Variants in MYO15A observed in about 807,000 individuals in gnomAD.
MYO15A encodes unconventional myosin-XV.
Under a neutral mutation model 394.6 loss-of-function variants are expected in MYO15A, and 308 were observed. The observed-to-expected ratio is 0.78, with a 90% CI of 0.71 to 0.86. The LOEUF is 0.86. Ranked by LOEUF, MYO15A falls within the 40% of genes least tolerant of loss-of-function variation. The pLI, the probability that MYO15A is intolerant of heterozygous loss-of-function variation, is 0.00. For missense variants in MYO15A, 4,606 were observed against 4,799.1 expected, an observed-to-expected ratio of 0.96 and a Z score of 1.19; for synonymous variants, 1,957 against 2,003.8, an observed-to-expected ratio of 0.98 and a Z score of 0.62.
chr17:18,172,482 C>CTATGGGTGGGGCTCAACT, intron 64 of MYO15A, 192 bp downstream of exon 64: 2 of 862,604 alleles, frequency 2.3e-6, no homozygotes, highest in Non-Finnish European at 3.8e-6. Flanking sequence ...GAGTTGAGCC[C>CTATGGGTGGGGCTCAACT]CACCCATAGG....
chr17:18,145,875 C>T lies in MYO15A; in HGVS notation c.6277C>T (p.Leu2093=). 6.2e-7 allele frequency: 1 copy of T among 1,613,124 alleles called. No individual in the cohort carries two copies. The highest frequency in any genetic ancestry group is 8.5e-7 in the Non-Finnish European group (1 of 1,179,954). The change falls in exon 30 of 66, where the codon CTG becomes TTG. Residue 2093 remains leucine, a synonymous_variant. Coordinates refer to ENST00000647165, the MANE Select transcript of MYO15A (RefSeq NM_016239.4). The part of the protein sequence containing the change: ...AEAVSIFKLI[L]RFMGDPHLHG... The stretch of plus-strand genomic sequence containing the variant: ...GGAGACTCTGTTCGTGGCCCAGATC[C>T]TGCGCTTCATGGGCGACCCCCACCT...
Position 18,145,878 on chromosome 17 carries a change from C to A in MYO15A, c.6280C>A (p.Arg2094Ser), listed in dbSNP as rs749332616. The A allele has an allele frequency of 4.3e-6, 7 of 1,613,042 alleles. No homozygotes were observed. The African/African-American group carries it at 5.3e-5, about 12-fold the overall frequency. Residue 2094 changes from arginine to serine, a missense_variant, in exon 30 of 66, where the codon CGC (arginine) becomes AGC (serine). This residue lies in a region of MYO15A where 2,776 missense variants were observed against 3,109.3 expected (regional missense o/e 0.89). Transcript: ENST00000647165. ...EAVSIFKLIL[R>S]FMGDPHLHGA... is the part of the protein sequence containing the mutation. ...GACTCTGTTCGTGGCCCAGATCCTG[C>A]GCTTCATGGGCGACCCCCACCTGCA...
At chr17:18,156,164 A>G in intron 47 of MYO15A, 31 bp from the exon 48 acceptor site, 1 of 1,613,790 alleles carries the variant, frequency 6.2e-7, no homozygotes, top group Non-Finnish European at 8.5e-7. Flanking sequence ...TCCCTCTGGC[A>G]GGGGAGTCAT....
In MYO15A at chr17:18,120,214, T is replaced by A. The variant is rs886042317; in HGVS notation, c.1414T>A (p.Ser472Thr). The change falls in exon 2 of 66, where the codon TCC (serine) becomes ACC (threonine). Residue 472 changes from serine (S) to threonine (T), a missense_variant. This residue lies in a region of MYO15A where 1,830 missense variants were observed against 1,689.7 expected (regional missense o/e 1.08). Transcript: ENST00000647165. ...GGATAAGCCCGCCAGGTCCAAGCTGTCCCTCATCCGCAAGTTCCGCCTCTT... is the reference window on the plus strand; with the variant it reads ...GGATAAGCCCGCCAGGTCCAAGCTGACCCTCATCCGCAAGTTCCGCCTCTT... ...GMDKPARSKL[S>T]LIRKFRLFPR... 3.7e-6 allele frequency: 6 copies of A among 1,612,828 alleles called. No individual in the cohort carries two copies. In the Admixed American group the frequency reaches 1.0e-4, roughly 27 times the overall value.
Position 18,119,257 on chromosome 17 carries a change from C to CAAGA in MYO15A, c.458_459insAGAA (p.Ala154GlufsTer75). The CAAGA allele has an allele frequency of 1.9e-6, 3 of 1,612,350 alleles. No individual in the cohort carries two copies. Among genetic ancestry groups the CAAGA allele is most frequent in the Non-Finnish European group, 2.5e-6 (3 of 1,179,874 alleles). ...GAAGGCCGAGGAGTCGGGCAGCGAA[C>CAAGA]AGGCCACAGTGGACGCCTGGCTGCA... On this transcript the variant is annotated frameshift_variant, in exon 2 of 66. Coordinates refer to ENST00000647165, the MANE Select transcript of MYO15A (RefSeq NM_016239.4). LOFTEE classifies it high-confidence loss of function.
At position 18,119,417 on chromosome 17, in the gene MYO15A, T is replaced by C. The variant is rs2045859359; in HGVS notation, c.617T>C (p.Leu206Pro). ...IYASGEPLGF[L>P]PFEDEAPFHH... Reference sequence around the variant, plus strand: ...GCGTCAGGCGAGCCCCTGGGCTTCCTGCCCTTCGAGGACGAGGCCCCATTC... The same window carrying C: ...GCGTCAGGCGAGCCCCTGGGCTTCCCGCCCTTCGAGGACGAGGCCCCATTC... The change falls in exon 2 of 66, where the codon CTG becomes CCG. Residue 206 changes from leucine to proline, a missense_variant. Physicochemically the swap from Leu to Pro is moderately conservative, Grantham distance 98. Around this residue, in one of 2 missense-constraint regions of MYO15A, gnomAD observed 1,830 missense variants for 1,689.7 expected, o/e 1.08. Coordinates refer to ENST00000647165, the MANE Select transcript of MYO15A (RefSeq NM_016239.4). 1.9e-6 allele frequency: 3 copies of C among 1,611,996 alleles called. No homozygotes were observed. The highest frequency in any genetic ancestry group is 2.2e-5 in the South Asian group (2 of 91,082).
At chr17:18,158,174 G>A (rs1597810579) in intron 51 of MYO15A, 4 of 594,714 alleles carry the variant, frequency 6.7e-6, no homozygotes, top group African/African-American at 3.7e-5. Flanking sequence ...CAGACCAGCC[G>A]GGGCCCGCCA....
chr17:18,160,824 G>A (rs112270119), intron 56 of MYO15A: 3,368 of 322,384 alleles, frequency 0.01, 78 homozygotes, highest in African/African-American at 0.053. Context: ...CACACAGTAC[G>A]TGCCCAATGT....
intron 47 of MYO15A, 44 bp from the exon 48 acceptor site, chr17:18,156,151 G>A: frequency 6.2e-7 from 1 of 1,613,328 alleles, no homozygotes; most frequent in Non-Finnish European, 8.5e-7. Context: ...TGGAAGGAGG[G>A]CATCCCTCTG....
Position 18,140,596 on chromosome 17 carries a change from T to A in MYO15A, c.5291T>A (p.Leu1764His), listed in dbSNP as rs747068332. ...GGCAAGAGCAGCTCCGTCACTCGGC[T>A]CTACAAGGCGCACACTGTGGCCGCC... is the stretch of plus-strand genomic sequence containing the variant. ...RLGKSSSVTR[L>H]YKAHTVAAKF... Residue 1764 changes from leucine (L) to histidine (H), a missense_variant, in exon 20 of 66, where the codon CTC becomes CAC. By Grantham distance (99) the Leu-to-His change is moderately conservative (BLOSUM62 -3). This residue lies in a region of MYO15A where 2,776 missense variants were observed against 3,109.3 expected (regional missense o/e 0.89). Coordinates refer to ENST00000647165, the MANE Select transcript of MYO15A (RefSeq NM_016239.4). 1.4e-5 allele frequency: 23 copies of A among 1,613,730 alleles called. No individual in the cohort carries two copies. The highest frequency in any genetic ancestry group is 1.9e-5 in the Non-Finnish European group (23 of 1,180,030).
In MYO15A at chr17:18,120,026, T is replaced by C; in HGVS notation, c.1226T>C (p.Phe409Ser). 2 of 1,613,652 alleles carry C rather than the reference T, an allele frequency of 1.2e-6. No individual in the cohort carries two copies. The highest frequency in any genetic ancestry group is 1.7e-6 in the Non-Finnish European group (2 of 1,180,004). The change falls in exon 2 of 66, where the codon TTT becomes TCT. Residue 409 changes from phenylalanine to serine, a missense_variant. Transcript: ENST00000647165. ...TACCCGGAGGAGTCGGCTTCGGCCT[T>C]TGTGTACCCCTGGGTACCACCGCCC... ...YFYPEESASA[F>S]VYPWVPPPIP...
At position 18,151,444 on chromosome 17, in the gene MYO15A, C is replaced by T. The variant is rs1297387597; in HGVS notation, c.7704C>T (p.His2568=). 5.0e-6 allele frequency: 8 copies of T among 1,614,086 alleles called. No individual in the cohort carries two copies. Among genetic ancestry groups the T allele is most frequent in the Non-Finnish European group, 6.8e-6 (8 of 1,180,054 alleles). The change falls in exon 40 of 66, where the codon CAC becomes CAT. Residue 2568 remains histidine, a synonymous_variant. Coordinates refer to ENST00000647165, the MANE Select transcript of MYO15A (RefSeq NM_016239.4). ...GGTACTCTACGCTCAACTCTGAGCA[C>T]TTCCCACAGCCCACACAGCAGATCA... ...LVRYSTLNSE[H]FPQPTQQIKN... is the part of the protein sequence containing the mutation.
rs931257204 is a variant in MYO15A, at chr17:18,120,645, T to G, written c.1845T>G (p.Ala615=). ...ACAAACGCTTCGGCTACAAGCTGGC[T>G]GGCATGGACCCCGAGAAGCCCGGCA... is the stretch of plus-strand genomic sequence containing the variant. ...AAYKRFGYKL[A]GMDPEKPGTP... is the part of the protein sequence containing the mutation. The change falls in exon 2 of 66, where the codon GCT becomes GCG. Residue 615 remains alanine, a synonymous_variant. Coordinates refer to ENST00000647165, the MANE Select transcript of MYO15A (RefSeq NM_016239.4). The G allele has an allele frequency of 6.3e-7, 1 of 1,594,696 alleles. No homozygotes were observed. The highest frequency in any genetic ancestry group is 1.3e-5 in the African/African-American group (1 of 74,518).
chr17:18,146,189 G>A, intron 30 of MYO15A, 82 bp downstream of exon 30: 1 of 1,409,868 alleles, frequency 7.1e-7, no homozygotes, highest in Non-Finnish European at 9.8e-7. Context: ...TAAAGGTCAG[G>A]CCAGGAGTCA....
At chr17:18,113,797 G>C (rs1195717910) in intron 1 of MYO15A, among the ~76,000 whole-genome samples, 4 of 138,854 alleles carry the variant, frequency 2.9e-5, no homozygotes, top group East Asian at 4.5e-4. Context: ...CACCTCCCCT[G>C]ACACACACAC....
At chr17:18,151,713 T>A in intron 40 of MYO15A, 133 bp from the exon 41 acceptor site, 1 of 1,157,826 alleles carries the variant, frequency 8.6e-7, no homozygotes, top group African/African-American at 1.5e-5. Context: ...TTCAGGCCAG[T>A]CTCTGCTTCT....
chr17:18,164,085 T>C (rs902874205), intron 60 of MYO15A: 2 of 558,428 alleles, frequency 3.6e-6, no homozygotes, highest in South Asian at 3.9e-5. Flanking sequence ...CCTTTGTCCC[T>C]CAGGACATGC....
At chr17:18,137,800 A>G in intron 16 of MYO15A, 121 bp downstream of exon 16, 1 of 1,174,876 alleles carries the variant, frequency 8.5e-7, no homozygotes, top group Non-Finnish European at 1.2e-6. Flanking sequence ...CAGTAGAGGG[A>G]AAGGCATTCT....
chr17:18,144,615 C>G, intron 29 of MYO15A, 23 bp downstream of exon 29: 1 of 1,606,138 alleles, frequency 6.2e-7, no homozygotes, highest in Middle Eastern at 1.7e-4. Flanking sequence ...CCCCAGCCCA[C>G]CTTCTAATTC....
Sources: allele counts gnomAD v4.1 joint callset (sites outside exome capture counted in the v4.1 genomes callset), GRCh38; gene constraint gnomAD v4.1.1; regional missense constraint gnomAD v4.1.1; transcripts MANE v1.5; gene names NCBI Gene and HGNC (gene_info 2026-07-23, HGNC 2026-07-21).